The following COA8 variants were observed in gnomAD, a reference collection of about 807,000 sequenced individuals.
COA8 encodes the protein UPF0671 protein C14orf153.
In COA8, 20 loss-of-function variants were observed where a neutral mutation model predicts 22.0. That is an observed-to-expected ratio of 0.91 (90% CI 0.64 to 1.32). The LOEUF is 1.32. Among genes scored for constraint, COA8 ranks in the 40% most tolerant of loss-of-function variants. The pLI is 0.00. For missense variants in COA8, 266 were observed against 230.0 expected, an observed-to-expected ratio of 1.16 and a Z score of -1.01; for synonymous variants, 105 against 79.9, an observed-to-expected ratio of 1.31 and a Z score of -1.68.
chr14:103,584,214 A>T (rs1210665535), intron 3 of COA8, among the ~76,000 whole-genome samples: 6 of 152,134 alleles, frequency 3.9e-5, no homozygotes, highest in African/African-American at 1.4e-4. Flanking sequence ...GCACCTCAAT[A>T]TGTTCAGTAG....
At chr14:103,588,286 G>T in intron 4 of COA8, 1 of 395,154 alleles carries the variant, frequency 2.5e-6, no homozygotes, top group Non-Finnish European at 4.5e-6. Flanking sequence ...AGGCCAAGGT[G>T]GGTAGATCAC....
At chr14:103,574,392 G>A (rs1270332972) in intron 3 of COA8, 2 of 693,862 alleles carry the variant, frequency 2.9e-6, no homozygotes, top group East Asian at 2.9e-5. Context: ...GATTTTAGGT[G>A]GTTATGATGG....
chr14:103,569,770 C>T (rs2076167944), intron 1 of COA8, among the ~76,000 whole-genome samples: 1 of 152,146 alleles, frequency 6.6e-6, no homozygotes, highest in Non-Finnish European at 1.5e-5. Flanking sequence ...GGGAGAAGCC[C>T]ATGAACATTT....
intron 3 of COA8, among the ~76,000 whole-genome samples, chr14:103,579,953 ACT>A (rs1223675416): frequency 3.0e-5 from 3 of 98,882 alleles, no homozygotes; most frequent in Admixed American, 1.3e-4. Context: ...ACAAAGCAAG[ACT>A]CTGTCTCAAA....
chr14:103,570,287 C>G (rs1595138106), intron 1 of COA8, among the ~76,000 whole-genome samples: 2 of 152,258 alleles, frequency 1.3e-5, no homozygotes, highest in South Asian at 4.1e-4. Flanking sequence ...CTAAATTGAT[C>G]CAGCATCAAA....
chr14:103,565,314 T>G (rs1388083686), intron 1 of COA8, among the ~76,000 whole-genome samples: 1 of 152,176 alleles, frequency 6.6e-6, no homozygotes, highest in Non-Finnish European at 1.5e-5. Flanking sequence ...GGCACCATTC[T>G]TCCTTCCAAA....
At chr14:103,577,580 C>CT (rs752509947) in intron 3 of COA8, among the ~76,000 whole-genome samples, 4 of 152,164 alleles carry the variant, frequency 2.6e-5, no homozygotes, top group Non-Finnish European at 5.9e-5. Flanking sequence ...TGAATCATCT[C>CT]TAAGAATTCA....
chr14:103,587,190 G>A (rs2151187879), intron 3 of COA8, 84 bp from the exon 4 acceptor site: 2 of 1,043,576 alleles, frequency 1.9e-6, no homozygotes, highest in Non-Finnish European at 2.9e-6. Context: ...CTGCAAGCTT[G>A]CTGAACTCAT....
chr14:103,572,084 G>A (rs1459142170), intron 2 of COA8, among the ~76,000 whole-genome samples: 3 of 150,616 alleles, frequency 2.0e-5, no homozygotes, highest in African/African-American at 7.4e-5. Context: ...CGGAGATTGC[G>A]CCACTGCACT....
intron 2 of COA8, 29 bp from the exon 3 acceptor site, chr14:103,574,078 C>CTTTTTTTTTTTTTTTTTTTT: frequency 9.9e-7 from 1 of 1,012,756 alleles, no homozygotes; most frequent in Non-Finnish European, 1.3e-6. Flanking sequence ...TTCTGAGAGC[C>CTTTTTTTTTTTTTTTTTTTT]TTTTTTTTTT....
rs775742260 is a variant in COA8 at position 103,574,141 on chromosome 14, C to G, written c.356C>G (p.Thr119Ser). 2.9e-5 allele frequency: 22 copies of G among 754,786 alleles called. No homozygotes were observed. Among genetic ancestry groups the G allele is most frequent in the Middle Eastern group, 3.0e-4 (1 of 3,370 alleles). 46.8% of individuals were successfully genotyped at this position (754,786 alleles called of 1,614,324 possible). ...KEEFIHSRLK[T>S]KGLGLRTESG... ...GAATTTATTCACTCAAGACTAAAAA[C>G]TAAAGGCCTGGGCCTGAGAACTGAA... Residue 119 changes from threonine (T) to serine (S), a missense_variant, in exon 3 of 5, where the codon ACT becomes AGT. By Grantham distance (58) the Thr-to-Ser change is moderately conservative. Coordinates refer to ENST00000409074, the MANE Select transcript of COA8 (RefSeq NM_001370595.2).
Position 103,569,444 on chromosome 14 carries a change from G to A in COA8, c.124-2179G>A, listed in dbSNP as rs146461042. The stretch of plus-strand genomic sequence containing the variant: ...GGTAGATAAATATGGAAAAGTAGCC[G>A]AACACACTTGACACCTCTCTGAGCT... On this transcript the variant is annotated intron_variant, in intron 1 of 4. Coordinates refer to ENST00000409074, the MANE Select transcript of COA8 (RefSeq NM_001370595.2). 4.3e-3 allele frequency among the ~76,000 whole-genome samples: 654 copies of A among 152,324 alleles called. 3 individuals carry two copies. The highest frequency in any genetic ancestry group is 8.9e-3 in the Admixed American group (136 of 15,292).
intron 2 of COA8, among the ~76,000 whole-genome samples, chr14:103,573,851 C>T (rs1015761934): frequency 7.9e-5 from 12 of 152,166 alleles, no homozygotes; most frequent in African/African-American, 2.7e-4. Flanking sequence ...CTGTGCCTGA[C>T]CTATTCTGTG....
intron 4 of COA8, among the ~76,000 whole-genome samples, chr14:103,589,868 C>T (rs1463468164): frequency 1.3e-5 from 2 of 151,606 alleles, no homozygotes; most frequent in Non-Finnish European, 2.9e-5. Flanking sequence ...CAGCCGAGAT[C>T]GCGCCACTGC....
intron 1 of COA8, among the ~76,000 whole-genome samples, chr14:103,566,860 C>A (rs1034531937): frequency 1.3e-5 from 2 of 152,214 alleles, no homozygotes; most frequent in Non-Finnish European, 2.9e-5. Context: ...GCCTGTTGGG[C>A]ACCTAACTTC....
Position 103,581,629 on chromosome 14 carries a change from G to C in COA8, c.386-5645G>C. On this transcript the variant is annotated intron_variant, in intron 3 of 4. Transcript: ENST00000409074. The surrounding 1 kb of genome is among the most constrained non-coding windows in gnomAD (Gnocchi z 4.1). ...AGAAAAACCATGGATGGAGGGGACAGCTGTGCTGCCGCCATCTCCCTTACA... is the reference window on the plus strand; with the variant it reads ...AGAAAAACCATGGATGGAGGGGACACCTGTGCTGCCGCCATCTCCCTTACA... 2.5e-6 allele frequency: 1 copy of C among 398,742 alleles called. No individual in the cohort carries two copies. Among genetic ancestry groups the C allele is most frequent in the Non-Finnish European group, 4.4e-6 (1 of 226,112 alleles). The allele number at this position is 398,742 out of a possible 1,614,324, so 24.7% of individuals were successfully genotyped here. A position where few individuals can be genotyped will look rare whatever the true frequency, so the allele number is the denominator to read the frequency against.
At chr14:103,566,530 T>G (rs554936810) in intron 1 of COA8, among the ~76,000 whole-genome samples, 10 of 152,380 alleles carry the variant, frequency 6.6e-5, no homozygotes, top group African/African-American at 2.2e-4. Context: ...AAAACACCAA[T>G]GGAAACATTT....
intron 1 of COA8, among the ~76,000 whole-genome samples, chr14:103,564,245 T>C (rs148964553): frequency 4.6e-5 from 7 of 152,298 alleles, no homozygotes; most frequent in African/African-American, 7.2e-5. Context: ...TTCATAATTG[T>C]AGCTTTGAAG....
intron 2 of COA8, among the ~76,000 whole-genome samples, chr14:103,573,664 C>T (rs990604893): frequency 2.0e-5 from 3 of 151,576 alleles, no homozygotes; most frequent in Non-Finnish European, 2.9e-5. Flanking sequence ...GCAGTTCTCC[C>T]GCCTCAGCCT....
Sources: gnomAD v4.1 joint callset for allele counts (sites outside exome capture counted in the v4.1 genomes callset) on GRCh38, gnomAD v4.1.1 for gene constraint, Gnocchi (gnomAD v3.1) non-coding constraint, MANE v1.5 for transcripts, NCBI Gene and HGNC (gene_info 2026-07-23, HGNC 2026-07-21) for gene names.